Variants in PTPRN2 observed in about 807,000 individuals in gnomAD.
PTPRN2 encodes receptor-type tyrosine-protein phosphatase N2.
PTPRN2 carries 74 observed loss-of-function variants against 118.8 expected under a neutral mutation model. That is an observed-to-expected ratio of 0.62 (90% confidence interval 0.52 to 0.76). The LOEUF (loss-of-function observed/expected upper bound fraction) is 0.76, where lower values mean the gene tolerates loss of function less well. Ranked by LOEUF, PTPRN2 falls within the 30% of genes least tolerant of loss-of-function variation. The pLI, the probability that PTPRN2 is intolerant of heterozygous loss-of-function variation, is 0.00. For synonymous variants in PTPRN2, 641 were observed against 608.0 expected, an observed-to-expected ratio of 1.05 and a Z score of -0.80; for missense variants, 1,481 against 1,394.4, an observed-to-expected ratio of 1.06 and a Z score of -0.99.
intron 2 of PTPRN2, among the ~76,000 whole-genome samples, chr7:158,455,761 CATGG>C (rs1818412712): frequency 6.7e-6 from 1 of 149,242 alleles, no homozygotes; most frequent in Admixed American, 6.6e-5. Flanking sequence ...AAGACAACGG[CATGG>C]ACGCCATCGG....
intron 5 of PTPRN2, among the ~76,000 whole-genome samples, chr7:158,186,848 G>GA (rs1254772027): frequency 6.6e-6 from 1 of 152,256 alleles, no homozygotes; most frequent in Non-Finnish European, 1.5e-5. Flanking sequence ...CTAAAGGACA[G>GA]AAACTAACTT....
At chr7:157,659,372 A>G (rs1585192983) in intron 13 of PTPRN2, among the ~76,000 whole-genome samples, 1 of 44,278 alleles carries the variant, frequency 2.3e-5, no homozygotes, top group African/African-American at 1.0e-4. Flanking sequence ...ACTGTGGGGA[A>G]GGGGGGGACG....
intron 12 of PTPRN2, chr7:157,857,386 G>A (rs1363043500): frequency 6.6e-6 from 1 of 152,214 alleles, no homozygotes; most frequent in African/African-American, 2.4e-5. Context: ...CATCCCCTAG[G>A]GAGGAGGAGA....
At chr7:158,153,627 G>A (rs1439494903) in intron 6 of PTPRN2, among the ~76,000 whole-genome samples, 1 of 152,248 alleles carries the variant, frequency 6.6e-6, no homozygotes, top group Non-Finnish European at 1.5e-5. Flanking sequence ...AGGACACGGA[G>A]GGAGAGGAGT....
Position 157,801,539 on chromosome 7 carries a change from A to G in PTPRN2, c.1788+97134T>C, listed in dbSNP as rs997402101. On this transcript the variant is annotated intron_variant, in intron 12 of 22. Transcript: ENST00000389418. This position sits in a 1 kb window ranked among gnomAD's most constrained non-coding sequence, Gnocchi z 4.2. ...CCATTTCTGCCCCACTGGGTTGAGAAATCTGTGGGTGATAGAGTATAGGTA... is the reference window on the plus strand; with the variant it reads ...CCATTTCTGCCCCACTGGGTTGAGAGATCTGTGGGTGATAGAGTATAGGTA... Among the ~76,000 whole-genome samples, 2 of 152,158 alleles carry G rather than the reference A, an allele frequency of 1.3e-5. No homozygotes were observed. The highest frequency in any genetic ancestry group is 1.3e-4 in the Admixed American group (2 of 15,276).
At chr7:157,897,558 A>G (rs1408331757) in intron 12 of PTPRN2, among the ~76,000 whole-genome samples, 1 of 152,200 alleles carries the variant, frequency 6.6e-6, no homozygotes, top group Non-Finnish European at 1.5e-5. Context: ...CGTGCACGCC[A>G]GTTTCCATCA....
chr7:158,374,201 A>C lies in PTPRN2; in HGVS notation c.164-57269T>G, dbSNP rs10249074. ...GGGGTTTGCTCTGGGTCCAAGCAGC[A>C]GTGAAGGGGAAGAGCTGGGTCTCAA... On this transcript the variant is annotated intron_variant, in intron 2 of 22. Transcript: ENST00000389418. Among the ~76,000 whole-genome samples, 720 of 152,304 alleles carry C rather than the reference A, an allele frequency of 4.7e-3. 7 individuals carry two copies. Among genetic ancestry groups the C allele is most frequent in the African/African-American group, 0.016 (686 of 41,576 alleles).
At chr7:158,277,503 G>A (rs1019175397) in intron 3 of PTPRN2, among the ~76,000 whole-genome samples, 6 of 152,200 alleles carry the variant, frequency 3.9e-5, no homozygotes, top group Admixed American at 3.9e-4. Context: ...AAATCAGCAA[G>A]AGGAGGCGGC....
intron 12 of PTPRN2, among the ~76,000 whole-genome samples, chr7:157,851,518 G>T (rs963726775): frequency 6.7e-6 from 1 of 149,568 alleles, no homozygotes; most frequent in South Asian, 2.1e-4. Context: ...TCAGTCCAGC[G>T]TCCCTATCCG....
At chr7:157,656,246 C>T in intron 14 of PTPRN2, 111 bp downstream of exon 14, 1 of 1,134,916 alleles carries the variant, frequency 8.8e-7, no homozygotes, top group Non-Finnish European at 1.2e-6. Flanking sequence ...AGGGTGCAGC[C>T]ATCATCGCCC....
intron 10 of PTPRN2, among the ~76,000 whole-genome samples, chr7:158,096,801 T>C (rs1814664390): frequency 6.6e-6 from 1 of 152,250 alleles, no homozygotes; most frequent in African/African-American, 2.4e-5. Context: ...ACATTGCCCG[T>C]GAGGGCCGGA....
At chr7:158,501,877 C>A (rs1258982881) in intron 1 of PTPRN2, among the ~76,000 whole-genome samples, 1 of 152,200 alleles carries the variant, frequency 6.6e-6, no homozygotes, top group Non-Finnish European at 1.5e-5. Context: ...GCCTGAGCCA[C>A]CAGCACCGCG....
At chr7:157,685,433 C>G (rs1488401170) in intron 12 of PTPRN2, among the ~76,000 whole-genome samples, 1 of 152,082 alleles carries the variant, frequency 6.6e-6, no homozygotes, top group African/African-American at 2.4e-5. Context: ...CAGTGGCACC[C>G]AGGCTGTGCG....
intron 12 of PTPRN2, among the ~76,000 whole-genome samples, chr7:157,858,861 CCAGCT>C (rs1223373440): frequency 5.0e-4 from 2 of 3,984 alleles, no homozygotes; most frequent in Non-Finnish European, 7.5e-4. Flanking sequence ...GGAGAGCCCC[CCAGCT>C]ACCACCCACA....
chr7:158,316,712 C>T, intron 3 of PTPRN2, 107 bp downstream of exon 3: 2 of 800,414 alleles, frequency 2.5e-6, no homozygotes, highest in East Asian at 2.7e-5. Context: ...CACCACCACA[C>T]TCGTGGATTC....
chr7:158,344,403 G>A (rs1484273817), intron 2 of PTPRN2, among the ~76,000 whole-genome samples: 1 of 152,120 alleles, frequency 6.6e-6, no homozygotes, highest in African/African-American at 2.4e-5. Context: ...TTCAAGTTTA[G>A]GCCTCCAGAA....
intron 2 of PTPRN2, among the ~76,000 whole-genome samples, chr7:158,481,706 C>A (rs1164497353): frequency 6.6e-6 from 1 of 152,218 alleles, no homozygotes; most frequent in Non-Finnish European, 1.5e-5. Flanking sequence ...TTGTGATCCA[C>A]CTGCGTCGGC....
chr7:157,650,911 G>A (rs957432342), intron 14 of PTPRN2, among the ~76,000 whole-genome samples: 5 of 152,222 alleles, frequency 3.3e-5, no homozygotes, highest in African/African-American at 4.8e-5. Flanking sequence ...ATGAGAGACA[G>A]AGATCTCTCA....
chr7:158,010,314 G>A (rs1805951224), intron 11 of PTPRN2, among the ~76,000 whole-genome samples: 1 of 152,178 alleles, frequency 6.6e-6, no homozygotes, highest in Non-Finnish European at 1.5e-5. Flanking sequence ...GACGTTGTAG[G>A]TGCTACAGAG....
Sources: gnomAD v4.1 joint callset for allele counts (sites outside exome capture counted in the v4.1 genomes callset) on GRCh38, gnomAD v4.1.1 for gene constraint, Gnocchi (gnomAD v3.1) non-coding constraint, MANE v1.5 for transcripts, NCBI Gene and HGNC (gene_info 2026-07-23, HGNC 2026-07-21) for gene names.